Variants in NALF1 observed in about 807,000 individuals in gnomAD.
NALF1 encodes family with sequence similarity 155 member A.
A neutral mutation model predicts 48.4 loss-of-function variants in NALF1; 3 were observed. That is an observed-to-expected ratio of 0.06 (90% CI 0.03 to 0.16). NALF1 has a LOEUF of 0.16. Ranked by LOEUF, NALF1 falls within the 10% of genes least tolerant of loss-of-function variation. NALF1 has a pLI of 1.00. For synonymous variants in NALF1, 262 were observed against 245.7 expected (o/e 1.07, Z -0.62); for missense variants, 526 against 571.5 (o/e 0.92, Z 0.81).
intron 1 of NALF1, among the ~76,000 whole-genome samples, chr13:107,504,856 T>C (rs1317042704): frequency 6.6e-6 from 1 of 152,188 alleles, no homozygotes; most frequent in Non-Finnish European, 1.5e-5. Context: ...CATGTCTCCT[T>C]AAATTCTCCA....
chr13:107,175,588 ATCAT>A (rs1343384582), intron 2 of NALF1, among the ~76,000 whole-genome samples: 1 of 152,144 alleles, frequency 6.6e-6, no homozygotes, highest in African/African-American at 2.4e-5. Flanking sequence ...TTTTTTCTAC[ATCAT>A]TCTTCTCTGA....
intron 1 of NALF1, among the ~76,000 whole-genome samples, chr13:107,481,479 C>A (rs545820795): frequency 6.6e-6 from 1 of 152,210 alleles, no homozygotes; most frequent in African/African-American, 2.4e-5. Flanking sequence ...AGCAATTAAA[C>A]TAAAATCAAT....
intron 1 of NALF1, among the ~76,000 whole-genome samples, chr13:107,773,500 A>C (rs1250799933): frequency 6.6e-6 from 1 of 151,984 alleles, no homozygotes; most frequent in African/African-American, 2.4e-5. Flanking sequence ...TCAAGGACTG[A>C]TTTCTTATTC....
At chr13:107,244,180 T>C (rs1317471390) in intron 1 of NALF1, among the ~76,000 whole-genome samples, 3 of 152,222 alleles carry the variant, frequency 2.0e-5, no homozygotes, top group Non-Finnish European at 4.4e-5. Context: ...TGCAATGACA[T>C]TGCAAAACAC....
At chr13:107,809,571 C>T (rs1878922378) in intron 1 of NALF1, among the ~76,000 whole-genome samples, 1 of 152,126 alleles carries the variant, frequency 6.6e-6, no homozygotes, top group Non-Finnish European at 1.5e-5. Context: ...TTCTGCACAG[C>T]AAATTTAAAA....
intron 1 of NALF1, among the ~76,000 whole-genome samples, chr13:107,677,884 C>A (rs906619861): frequency 2.6e-5 from 4 of 152,104 alleles, no homozygotes; most frequent in African/African-American, 9.7e-5. Flanking sequence ...TTGAAGGAAG[C>A]TTGAGTTGAA....
At position 107,170,102 on chromosome 13, in the gene NALF1, C is replaced by T. The variant is rs1046282206; in HGVS notation, c.*395G>A. 1.2e-5 allele frequency: 2 copies of T among 165,532 alleles called. No individual in the cohort carries two copies. The highest frequency in any genetic ancestry group is 2.6e-5 in the Non-Finnish European group (2 of 75,508). 10.3% of individuals were successfully genotyped at this position (165,532 alleles called of 1,614,324 possible). ...AAGACAGAACTATCTGATGAACACA[C>T]ACAATGACTAGAAATATATAGAGAG... On this transcript the variant is annotated 3_prime_UTR_variant, in exon 3 of 3. Coordinates refer to ENST00000375915, the MANE Select transcript of NALF1 (RefSeq NM_001080396.3).
chr13:107,798,624 CAATTT>C (rs1566486095), intron 1 of NALF1, among the ~76,000 whole-genome samples: 2 of 152,110 alleles, frequency 1.3e-5, no homozygotes, highest in African/African-American at 4.8e-5. Flanking sequence ...CAAGTGATTA[CAATTT>C]AATTTATTAG....
At position 107,170,025 on chromosome 13, in the gene NALF1, T is replaced by C. The variant is rs1052261652; in HGVS notation, c.*472A>G. 7.9e-5 allele frequency: 12 copies of C among 152,834 alleles called. No individual in the cohort carries two copies. Among genetic ancestry groups the C allele is most frequent in the African/African-American group, 2.9e-4 (12 of 41,408 alleles). The allele number at this position is 152,834 out of a possible 1,614,324, so 9.5% of individuals were successfully genotyped here. A position where few individuals can be genotyped will look rare whatever the true frequency, so the allele number is the denominator to read the frequency against. The stretch of plus-strand genomic sequence containing the variant: ...TTCTTTTTTTGTTGTTGTTTTTTGC[T>C]ATACCATGAGGTCATAGCAATCATT... On this transcript the variant is annotated 3_prime_UTR_variant, in exon 3 of 3. Coordinates refer to ENST00000375915, the MANE Select transcript of NALF1 (RefSeq NM_001080396.3).
chr13:107,669,461 C>T (rs1880939889), intron 1 of NALF1, among the ~76,000 whole-genome samples: 1 of 152,090 alleles, frequency 6.6e-6, no homozygotes, highest in Non-Finnish European at 1.5e-5. Context: ...ATGCCATTAA[C>T]AGAGCAAACC....
intron 1 of NALF1, among the ~76,000 whole-genome samples, chr13:107,818,305 A>C (rs567883341): frequency 3.8e-4 from 58 of 152,314 alleles, no homozygotes; most frequent in African/African-American, 1.4e-3. Context: ...CAAAGTGGGA[A>C]AAGAGAGCCA....
chr13:107,736,197 A>ACG, intron 1 of NALF1, among the ~76,000 whole-genome samples: 1 of 4,390 alleles, frequency 2.3e-4, no homozygotes, highest in African/African-American at 2.5e-4. Flanking sequence ...ACACACATAC[A>ACG]CACACACACA....
intron 1 of NALF1, among the ~76,000 whole-genome samples, chr13:107,559,653 C>T (rs142792530): frequency 0.019 from 2,908 of 152,142 alleles, 208 homozygotes; most frequent in Admixed American, 0.14. Context: ...TCCTTATAAG[C>T]GCTGTCAAGG....
chr13:107,180,587 C>T (rs61967562), intron 2 of NALF1, among the ~76,000 whole-genome samples: 6,635 of 151,820 alleles, frequency 0.044, 170 homozygotes, highest in Non-Finnish European at 0.058. Context: ...GAAACTACTG[C>T]AATTTGTTTT....
At chr13:107,275,474 C>T (rs1881261511) in intron 1 of NALF1, among the ~76,000 whole-genome samples, 1 of 152,144 alleles carries the variant, frequency 6.6e-6, no homozygotes, top group African/African-American at 2.4e-5. Context: ...TGGACCCTCA[C>T]CCAATTATTA....
At chr13:107,562,439 T>C (rs889714946) in intron 1 of NALF1, among the ~76,000 whole-genome samples, 6 of 152,240 alleles carry the variant, frequency 3.9e-5, no homozygotes, top group Non-Finnish European at 5.9e-5. Flanking sequence ...GGACTCCTGC[T>C]GGCTCCGACC....
At chr13:107,366,533 A>G (rs4551893) in intron 1 of NALF1, among the ~76,000 whole-genome samples, 60,868 of 151,950 alleles carry the variant, frequency 0.4, 12,497 homozygotes, top group African/African-American at 0.48. Context: ...GCTTCTTATG[A>G]TAGCCATCAT....
At chr13:107,818,241 C>T (rs527753012) in intron 1 of NALF1, among the ~76,000 whole-genome samples, 1 of 152,180 alleles carries the variant, frequency 6.6e-6, no homozygotes, top group Admixed American at 6.5e-5. Context: ...GGGCTGTGAT[C>T]CAGAATAACT....
intron 1 of NALF1, among the ~76,000 whole-genome samples, chr13:107,490,958 G>A (rs1184375123): frequency 1.4e-4 from 21 of 152,080 alleles, no homozygotes; most frequent in Admixed American, 1.4e-3. Context: ...TTTTACCTCA[G>A]CAAAATTAAG....
Sources: allele counts gnomAD v4.1 joint callset (sites outside exome capture counted in the v4.1 genomes callset), GRCh38; gene constraint gnomAD v4.1.1; transcripts MANE v1.5; gene names NCBI Gene and HGNC (gene_info 2026-07-23, HGNC 2026-07-21).